Variants in CTTNBP2 observed in about 807,000 individuals in gnomAD.
CTTNBP2 encodes cortactin binding protein 2, also known as cortactin-binding protein 2.
Under a neutral mutation model 156.9 loss-of-function variants are expected in CTTNBP2, and 108 were observed. That is an observed-to-expected ratio of 0.69 (90% CI 0.59 to 0.81). CTTNBP2 has a LOEUF of 0.81. Among genes scored for constraint, CTTNBP2 ranks in the 30% least tolerant of loss-of-function variants. The probability of loss-of-function intolerance (pLI) is 0.00; values close to 1 mark genes in which losing one functional copy is unlikely to be tolerated. For missense variants in CTTNBP2, 1,924 were observed against 2,035.4 expected, an observed-to-expected ratio of 0.95 and a Z score of 1.05; for synonymous variants, 767 against 751.8, an observed-to-expected ratio of 1.02 and a Z score of -0.33.
chr7:117,766,276 C>CA (rs1349720381), intron 9 of CTTNBP2, among the ~76,000 whole-genome samples: 6 of 151,888 alleles, frequency 4.0e-5, no homozygotes, highest in Non-Finnish European at 5.9e-5. Flanking sequence ...TTCTGTCAAC[C>CA]AAAAAAACCC....
intron 14 of CTTNBP2, among the ~76,000 whole-genome samples, chr7:117,743,574 C>T (rs188256801): frequency 4.6e-5 from 7 of 151,748 alleles, no homozygotes; most frequent in Admixed American, 4.6e-4. Flanking sequence ...AGAATAGGGC[C>T]TACATGGTGA....
chr7:117,854,172 C>T (rs954926170), intron 2 of CTTNBP2, among the ~76,000 whole-genome samples: 1 of 152,190 alleles, frequency 6.6e-6, no homozygotes, highest in Non-Finnish European at 1.5e-5. Context: ...ATTATCTCAA[C>T]AGACAGGAAA....
At chr7:117,818,614 A>T (rs1176715468) in intron 2 of CTTNBP2, among the ~76,000 whole-genome samples, 1 of 152,218 alleles carries the variant, frequency 6.6e-6, no homozygotes. Context: ...TTCATTATTC[A>T]GTAGAGAACA....
intron 16 of CTTNBP2, among the ~76,000 whole-genome samples, chr7:117,728,648 G>A (rs1018906636): frequency 4.0e-5 from 6 of 151,832 alleles, no homozygotes; most frequent in African/African-American, 1.5e-4. Context: ...ATATATTTGT[G>A]GTATATATCA....
At chr7:117,783,369 TTAAA>T (rs1352585765) in intron 5 of CTTNBP2, among the ~76,000 whole-genome samples, 18 of 152,206 alleles carry the variant, frequency 1.2e-4, no homozygotes, top group Non-Finnish European at 2.6e-4. Flanking sequence ...TTCTTTGTAC[TTAAA>T]TAAATTATTA....
rs556916290 is a variant in CTTNBP2, at chr7:117,849,625, A to T, written c.189+11584T>A. On this transcript the variant is annotated intron_variant, in intron 2 of 22. Transcript: ENST00000160373. ...CTGTGCCTTCATCCATTACCTCCTC[A>T]CTCTGCCCAGAGCACACACAGATCC... 4.9e-4 allele frequency among the ~76,000 whole-genome samples: 74 copies of T among 151,510 alleles called. No homozygotes were observed. In the Middle Eastern group the frequency reaches 0.021, roughly 42 times the overall value.
intron 8 of CTTNBP2, among the ~76,000 whole-genome samples, chr7:117,771,392 T>C (rs915856690): frequency 1.3e-5 from 2 of 152,198 alleles, no homozygotes; most frequent in Non-Finnish European, 2.9e-5. Context: ...AGTGCTGCTT[T>C]ACAGGGCTGG....
intron 22 of CTTNBP2, among the ~76,000 whole-genome samples, chr7:117,716,950 C>A (rs1004290271): frequency 5.3e-5 from 8 of 152,246 alleles, no homozygotes; most frequent in Non-Finnish European, 8.8e-5. Flanking sequence ...CTGCTCTCTG[C>A]GCCCCACCTT....
chr7:117,780,372 C>G (rs1798350656), intron 7 of CTTNBP2, 69 bp downstream of exon 7: 1 of 1,043,140 alleles, frequency 9.6e-7, no homozygotes, highest in Admixed American at 3.0e-5. Flanking sequence ...TTTTGTTTTT[C>G]TAGTTATAGA....
At chr7:117,760,138 T>C in intron 10 of CTTNBP2, 1 of 407,074 alleles carries the variant, frequency 2.5e-6, no homozygotes, top group East Asian at 4.4e-5. Flanking sequence ...CAAGCAGCTG[T>C]GGGGTGTTTA....
At chr7:117,717,695 C>CCTGAGGATAAGGCAGAA (rs1794506989) in intron 22 of CTTNBP2, among the ~76,000 whole-genome samples, 2 of 151,302 alleles carry the variant, frequency 1.3e-5, no homozygotes, top group East Asian at 1.9e-4. Context: ...TCAGGCATCA[C>CCTGAGGATAAGGCAGAA]CTGAGGATAA....
At chr7:117,774,894 C>T (rs1431055740) in intron 8 of CTTNBP2, among the ~76,000 whole-genome samples, 1 of 152,180 alleles carries the variant, frequency 6.6e-6, no homozygotes, top group East Asian at 1.9e-4. Context: ...AATGCAATGA[C>T]TAGCTCAGAG....
At chr7:117,753,991 T>C (rs1249038929) in intron 12 of CTTNBP2, among the ~76,000 whole-genome samples, 2 of 152,238 alleles carry the variant, frequency 1.3e-5, no homozygotes, top group South Asian at 4.1e-4. Context: ...CACACATCAA[T>C]GTGCCTGTAG....
chr7:117,734,820 G>A, intron 16 of CTTNBP2, 93 bp downstream of exon 16: 8 of 963,164 alleles, frequency 8.3e-6, no homozygotes, highest in Non-Finnish European at 1.2e-5. Flanking sequence ...GCCCAAGGCT[G>A]CATAGTTAGT....
In CTTNBP2 at chr7:117,753,075, A is replaced by G. The variant is rs114952035; in HGVS notation, c.3348+3480T>C. Among the ~76,000 whole-genome samples the G allele has an allele frequency of 2.2e-3, 330 of 152,304 alleles. 1 individual carries two copies. The highest frequency in any genetic ancestry group is 7.5e-3 in the African/African-American group (312 of 41,552). On this transcript the variant is annotated intron_variant, in intron 12 of 22. Transcript: ENST00000160373. ...TAAACAAATTTACAAGAAAACAAAC[A>G]AACCCATTAAAAAGTGGGCAAAGGA...
chr7:117,798,192 TA>T (rs934815556), intron 3 of CTTNBP2, among the ~76,000 whole-genome samples: 2 of 152,042 alleles, frequency 1.3e-5, no homozygotes, highest in African/African-American at 2.4e-5. Flanking sequence ...ATATCTCACT[TA>T]AAAAACCTAG....
At chr7:117,748,212 G>A (rs377153850) in intron 12 of CTTNBP2, among the ~76,000 whole-genome samples, 306 of 152,138 alleles carry the variant, frequency 2.0e-3, no homozygotes, top group African/African-American at 4.5e-3. Context: ...AAAGTAATAC[G>A]TTTTCATTTA....
intron 2 of CTTNBP2, among the ~76,000 whole-genome samples, chr7:117,826,688 C>A (rs1420229698): frequency 6.6e-6 from 1 of 151,554 alleles, no homozygotes; most frequent in African/African-American, 2.4e-5. Context: ...GACATTAATC[C>A]CATAAAACTT....
intron 14 of CTTNBP2, among the ~76,000 whole-genome samples, chr7:117,740,569 A>G (rs886383882): frequency 4.6e-5 from 7 of 152,308 alleles, no homozygotes; most frequent in East Asian, 1.9e-4. Flanking sequence ...GGTACTTACT[A>G]TTTGATCACT....
Sources: gnomAD v4.1 joint callset for allele counts (sites outside exome capture counted in the v4.1 genomes callset) on GRCh38, gnomAD v4.1.1 for gene constraint, MANE v1.5 for transcripts, NCBI Gene and HGNC (gene_info 2026-07-23, HGNC 2026-07-21) for gene names.